DNAJC17: variants seen among roughly 807,000 people sequenced by gnomAD.
The protein encoded by DNAJC17 is DnaJ heat shock protein family (Hsp40) member C17, also known as dnaJ homolog subfamily C member 17.
Under a neutral mutation model 48.1 loss-of-function variants are expected in DNAJC17, and 35 were observed. The ratio of observed to expected loss-of-function variants is 0.73; its 90% CI spans 0.56 to 0.96. The LOEUF (loss-of-function observed/expected upper bound fraction) is 0.96. Ranked by LOEUF, DNAJC17 falls within the 50% of genes least tolerant of loss-of-function variation. The pLI is 0.00. For synonymous variants in DNAJC17, 117 were observed against 142.7 expected (o/e 0.82, Z 1.28); for missense variants, 355 against 377.1 (o/e 0.94, Z 0.48).
intron 8 of DNAJC17, 115 bp from the exon 9 acceptor site, chr15:40,774,551 T>G (rs1034447570): frequency 3.5e-6 from 4 of 1,138,772 alleles, no homozygotes; most frequent in Non-Finnish European, 5.2e-6. Context: ...AGTTGGGAGA[T>G]AACTTCTTGC....
intron 1 of DNAJC17, among the ~76,000 whole-genome samples, chr15:40,799,884 T>C (rs57943888): frequency 0.34 from 52,065 of 152,020 alleles, 9,165 homozygotes; most frequent in South Asian, 0.41. Context: ...AGGTCTCGCT[T>C]TGTCATCCAG....
Position 40,766,106 on chromosome 15 carries a change from C to G in DNAJC17, c.*1834G>C, listed in dbSNP as rs538137516. ...CCTCTCCAACATCCCCCCTCTCCCC[C>G]ACGAGGCTTGCTCTGAAAGCTTTCC... On this transcript the variant is annotated 3_prime_UTR_variant, in exon 11 of 11. Transcript: ENST00000220496. 1.2e-5 allele frequency: 5 copies of G among 430,826 alleles called. No individual in the cohort carries two copies. Among genetic ancestry groups the G allele is most frequent in the East Asian group, 3.6e-5 (1 of 27,946 alleles). The allele number at this position is 430,826 out of a possible 1,614,324, so 26.7% of individuals were successfully genotyped here. A position where few individuals can be genotyped will look rare whatever the true frequency, so the allele number is the denominator to read the frequency against.
chr15:40,780,487 GC>G, intron 1 of DNAJC17: 1 of 371,472 alleles, frequency 2.7e-6, no homozygotes, highest in Non-Finnish European at 5.3e-6. Context: ...ATACTAGCCA[GC>G]CAAGATCCCC....
intron 4 of DNAJC17, among the ~76,000 whole-genome samples, chr15:40,777,548 G>A (rs996922801): frequency 6.6e-6 from 1 of 151,816 alleles, no homozygotes. Context: ...GCAAAACTCC[G>A]TCTCTACTAA....
Position 40,776,333 on chromosome 15 carries a change from C to T in DNAJC17, c.382-41G>A, listed in dbSNP as rs766295841. 3.8e-6 allele frequency: 6 copies of T among 1,592,524 alleles called. No homozygotes were observed. The East Asian group carries it at 1.1e-4, about 30-fold the overall frequency. On this transcript the variant is annotated intron_variant, in intron 5 of 10. Transcript: ENST00000220496. ...TGGGGGTGACAATTCTGTGCAGGTC[C>T]AATTCCAGGCTGGCTCACCTTGTAA...
intron 2 of DNAJC17, 140 bp from the exon 3 acceptor site, chr15:40,779,743 G>A (rs1889428597): frequency 8.9e-7 from 1 of 1,117,774 alleles, no homozygotes; most frequent in Non-Finnish European, 1.3e-6. Context: ...AGACCAACAA[G>A]GAGGGGTGAG....
rs569811321 is a variant in DNAJC17 at position 40,769,282 on chromosome 15, G to T, written c.793-1220C>A. Among the ~76,000 whole-genome samples the T allele has an allele frequency of 1.3e-5, 2 of 152,188 alleles. No homozygotes were observed. Among genetic ancestry groups the T allele is most frequent in the African/African-American group, 4.8e-5 (2 of 41,456 alleles). ...AGAAGGAGGACCCCAGAGGAAGCCCGGTAGCCAGAGGGGAAGGGCTGGAGC... is the reference window on the plus strand; with the variant it reads ...AGAAGGAGGACCCCAGAGGAAGCCCTGTAGCCAGAGGGGAAGGGCTGGAGC... On this transcript the variant is annotated intron_variant, in intron 10 of 10. Coordinates refer to ENST00000220496, the MANE Select transcript of DNAJC17 (RefSeq NM_018163.3). This position sits in a 1 kb window ranked among gnomAD's most constrained non-coding sequence, Gnocchi z 4.2.
chr15:40,790,028 T>C (rs1197643677), intron 1 of DNAJC17, among the ~76,000 whole-genome samples: 1 of 151,750 alleles, frequency 6.6e-6, no homozygotes, highest in Non-Finnish European at 1.5e-5. Flanking sequence ...TGGAAAACAT[T>C]TTGAATGCCA....
At position 40,769,794 on chromosome 15, in the gene DNAJC17, C is replaced by G. The variant is rs1257755098; in HGVS notation, c.793-1732G>C. On this transcript the variant is annotated intron_variant, in intron 10 of 10. Transcript: ENST00000220496. This position sits in a 1 kb window ranked among gnomAD's most constrained non-coding sequence, Gnocchi z 4.2. ...GATCAGAAAGGAAGCCGCGTGGTGA[C>G]ACATAAAGCAGGGCTGCCCCCACAC... 8 of 152,538 alleles carry G rather than the reference C, an allele frequency of 5.2e-5. No homozygotes were observed. The highest frequency in any genetic ancestry group is 4.6e-4 in the Admixed American group (7 of 15,280). The allele number at this position is 152,538 out of a possible 1,614,324, so 9.4% of individuals were successfully genotyped here.
intron 1 of DNAJC17, chr15:40,792,315 G>A: frequency 6.6e-6 from 2 of 300,780 alleles, no homozygotes; most frequent in Non-Finnish European, 9.8e-6. Flanking sequence ...TAATTTATAT[G>A]CTATAATATA....
intron 1 of DNAJC17, among the ~76,000 whole-genome samples, chr15:40,795,663 G>A (rs948786921): frequency 6.6e-6 from 1 of 152,170 alleles, no homozygotes; most frequent in African/African-American, 2.4e-5. Flanking sequence ...TTGGGAGGCT[G>A]AGCCAGGCGG....
chr15:40,783,318 C>T (rs1889553723), intron 1 of DNAJC17, among the ~76,000 whole-genome samples: 1 of 152,322 alleles, frequency 6.6e-6, no homozygotes, highest in Non-Finnish European at 1.5e-5. Flanking sequence ...AAAGCACCTA[C>T]ACACACTGAC....
At chr15:40,792,346 CA>C in intron 1 of DNAJC17, 1 of 574,696 alleles carries the variant, frequency 1.7e-6, no homozygotes, top group Non-Finnish European at 2.2e-6. Context: ...CAGAAAATGT[CA>C]ATATTAAGTT....
intron 1 of DNAJC17, among the ~76,000 whole-genome samples, chr15:40,804,730 G>A (rs1170171593): frequency 5.9e-5 from 9 of 152,094 alleles, no homozygotes; most frequent in East Asian, 3.9e-4. Flanking sequence ...AGCCGGGCGC[G>A]GTGGCTCACG....
intron 1 of DNAJC17, 126 bp downstream of exon 1, chr15:40,807,243 C>G: frequency 6.4e-7 from 1 of 1,572,284 alleles, no homozygotes; most frequent in South Asian, 1.1e-5. Flanking sequence ...GGGCATAGCG[C>G]CGACCCTCGC....
intron 1 of DNAJC17, among the ~76,000 whole-genome samples, chr15:40,792,994 G>A (rs536608992): frequency 2.0e-5 from 3 of 147,510 alleles, no homozygotes; most frequent in East Asian, 2.0e-4. Context: ...CCGGGTTCAC[G>A]CCATTCTCTT....
At chr15:40,801,266 G>A (rs1278378800) in intron 1 of DNAJC17, among the ~76,000 whole-genome samples, 1 of 152,154 alleles carries the variant, frequency 6.6e-6, no homozygotes, top group Admixed American at 6.6e-5. Flanking sequence ...TAATCACACA[G>A]ATAAATACAT....
chr15:40,789,841 T>G (rs139982744), intron 1 of DNAJC17, among the ~76,000 whole-genome samples: 10 of 134,486 alleles, frequency 7.4e-5, no homozygotes, highest in African/African-American at 2.9e-4. Flanking sequence ...GGGAGGCGCA[T>G]CTTGCAGTGA....
At chr15:40,784,301 G>A (rs993388536) in intron 1 of DNAJC17, among the ~76,000 whole-genome samples, 4 of 150,962 alleles carry the variant, frequency 2.6e-5, no homozygotes, top group Non-Finnish European at 5.9e-5. Flanking sequence ...TCCTTTTTTT[G>A]AGAGAATGCT....
Sources: allele counts gnomAD v4.1 joint callset (sites outside exome capture counted in the v4.1 genomes callset), GRCh38; gene constraint gnomAD v4.1.1; non-coding constraint Gnocchi (gnomAD v3.1); transcripts MANE v1.5; gene names NCBI Gene and HGNC (gene_info 2026-07-23, HGNC 2026-07-21).